The following KAZN variants were observed in gnomAD, a reference collection of about 807,000 sequenced individuals.
KAZN encodes the protein kazrin, periplakin interacting protein.
KAZN carries 40 observed loss-of-function variants against 87.4 expected under a neutral mutation model. The observed-to-expected ratio is 0.46, with a 90% CI of 0.36 to 0.60. KAZN has a LOEUF of 0.60. Ranked by LOEUF, KAZN falls within the 20% of genes least tolerant of loss-of-function variation. The pLI, the probability that KAZN is intolerant of heterozygous loss-of-function variation, is 0.00. For synonymous variants in KAZN, 466 were observed against 458.3 expected, an observed-to-expected ratio of 1.02 and a Z score of -0.22; for missense variants, 898 against 1,073.9, an observed-to-expected ratio of 0.84 and a Z score of 2.29.
chr1:13,987,028 A>C (rs903710989), intron 1 of KAZN, among the ~76,000 whole-genome samples: 1 of 152,068 alleles, frequency 6.6e-6, no homozygotes, highest in African/African-American at 2.4e-5. Context: ...GAAGAAAGAA[A>C]GTGTCTTCCA....
chr1:14,926,576 G>A (rs1326173981), intron 1 of KAZN, among the ~76,000 whole-genome samples: 1 of 152,146 alleles, frequency 6.6e-6, no homozygotes, highest in Admixed American at 6.5e-5. Flanking sequence ...CACCCTTTCT[G>A]GTCTCTGGTT....
In KAZN at chr1:15,011,662, G is replaced by A. The variant is rs76187196; in HGVS notation, c.419-23087G>A. On this transcript the variant is annotated intron_variant, in intron 2 of 14. Transcript: ENST00000376030. Reference sequence around the variant, plus strand: ...GTGCCAAGTCACCAAACTTAAAGCCGGTGATAAAGTTTGCCCGGATGAATG... The same window carrying A: ...GTGCCAAGTCACCAAACTTAAAGCCAGTGATAAAGTTTGCCCGGATGAATG... Among the ~76,000 whole-genome samples, 579 of 152,312 alleles carry A rather than the reference G, an allele frequency of 3.8e-3. 6 individuals carry two copies. Among genetic ancestry groups the A allele is most frequent in the Non-Finnish European group, 2.9e-3 (198 of 68,024 alleles).
At chr1:14,171,876 C>T (rs552356153) in intron 1 of KAZN, among the ~76,000 whole-genome samples, 21 of 152,214 alleles carry the variant, frequency 1.4e-4, no homozygotes, top group East Asian at 1.9e-4. Flanking sequence ...AAGCAAAGTA[C>T]GGTAAGCTGT....
intron 1 of KAZN, among the ~76,000 whole-genome samples, chr1:14,752,923 G>A (rs2100500383): frequency 6.6e-6 from 1 of 152,302 alleles, no homozygotes; most frequent in Non-Finnish European, 1.5e-5. Flanking sequence ...TGTGCATTTG[G>A]ACCACTCAGA....
chr1:14,243,805 C>A (rs557320758), intron 2 of KAZN, among the ~76,000 whole-genome samples: 11 of 152,290 alleles, frequency 7.2e-5, no homozygotes, highest in Admixed American at 6.5e-4. Context: ...TGTCTAATCT[C>A]ACTCTGCAGA....
At chr1:14,192,873 A>G (rs1646449689) in intron 2 of KAZN, among the ~76,000 whole-genome samples, 1 of 152,174 alleles carries the variant, frequency 6.6e-6, no homozygotes, top group Non-Finnish European at 1.5e-5. Context: ...CATTATTTGG[A>G]CATTGGGTCT....
intron 1 of KAZN, among the ~76,000 whole-genome samples, chr1:13,965,521 G>T (rs1641910764): frequency 6.6e-6 from 1 of 152,096 alleles, no homozygotes; most frequent in South Asian, 2.1e-4. Context: ...TGATATTTTG[G>T]ACCTGTTATT....
At chr1:14,360,259 G>A (rs1261846658) in intron 2 of KAZN, among the ~76,000 whole-genome samples, 16 of 151,878 alleles carry the variant, frequency 1.1e-4, no homozygotes, top group Admixed American at 7.2e-4. Context: ...TATGATTCTC[G>A]AAGTACTTGT....
intron 3 of KAZN, among the ~76,000 whole-genome samples, chr1:15,036,856 A>T (rs962919839): frequency 6.6e-6 from 1 of 152,166 alleles, no homozygotes; most frequent in South Asian, 2.1e-4. Context: ...TTCATTTAAC[A>T]TCCACACGGA....
At chr1:13,945,639 T>C (rs993551912) in intron 1 of KAZN, among the ~76,000 whole-genome samples, 2 of 151,144 alleles carry the variant, frequency 1.3e-5, no homozygotes, top group Non-Finnish European at 2.9e-5. Context: ...AACACAGCTG[T>C]TCCATAGGAT....
intron 1 of KAZN, among the ~76,000 whole-genome samples, chr1:13,907,479 A>T (rs768316320): frequency 1.7e-4 from 22 of 126,610 alleles, no homozygotes; most frequent in Non-Finnish European, 3.1e-4. Context: ...AAGGCCTTTG[A>T]GGGGTGTGTA....
intron 2 of KAZN, among the ~76,000 whole-genome samples, chr1:14,480,699 AT>A (rs1000574378): frequency 2.4e-4 from 35 of 145,438 alleles, no homozygotes; most frequent in Admixed American, 1.3e-3. Flanking sequence ...TAAAATATAT[AT>A]TTTTATGTAT....
At chr1:14,459,818 A>G (rs976370651) in intron 2 of KAZN, among the ~76,000 whole-genome samples, 1 of 152,224 alleles carries the variant, frequency 6.6e-6, no homozygotes, top group African/African-American at 2.4e-5. Context: ...TATTTTCACA[A>G]TAGAAAGGAA....
intron 2 of KAZN, among the ~76,000 whole-genome samples, chr1:14,353,475 T>G (rs996495338): frequency 7.2e-5 from 11 of 151,992 alleles, no homozygotes; most frequent in Non-Finnish European, 1.5e-4. Context: ...CTCCTCGGCC[T>G]CCCAAAGTGC....
rs1298343307 is a variant in KAZN, at chr1:14,856,726, T to C, written c.227-103958T>C. Among the ~76,000 whole-genome samples the C allele has an allele frequency of 6.6e-6, 1 of 152,232 alleles. No individual in the cohort carries two copies. The highest frequency in any genetic ancestry group is 1.5e-5 in the Non-Finnish European group (1 of 68,050). The stretch of plus-strand genomic sequence containing the variant: ...CATGTGTTTCCTAAATCTTGGATTA[T>C]TCTCAAGGACAATGGCCATTATGTC... On this transcript the variant is annotated intron_variant, in intron 1 of 14. Coordinates refer to ENST00000376030, the MANE Select transcript of KAZN (RefSeq NM_201628.3). This position sits in a 1 kb window ranked among gnomAD's most constrained non-coding sequence, Gnocchi z 5.2.
At chr1:14,825,648 G>A (rs2100847478) in intron 1 of KAZN, among the ~76,000 whole-genome samples, 1 of 152,206 alleles carries the variant, frequency 6.6e-6, no homozygotes, top group African/African-American at 2.4e-5. Flanking sequence ...ATCTAGTAAG[G>A]GACCACGTTG....
chr1:14,868,588 G>A (rs1207638873), intron 1 of KAZN, among the ~76,000 whole-genome samples: 1 of 151,748 alleles, frequency 6.6e-6, no homozygotes, highest in East Asian at 1.9e-4. Context: ...CTGGAGTCTT[G>A]TAGACCCAGA....
chr1:14,417,182 TAA>T (rs59936555), intron 2 of KAZN, among the ~76,000 whole-genome samples: 64 of 133,202 alleles, frequency 4.8e-4, no homozygotes, highest in Non-Finnish European at 4.6e-4. Context: ...TGTCTCAAAA[TAA>T]AAAAAAAAAA....
intron 8 of KAZN, among the ~76,000 whole-genome samples, chr1:15,074,353 G>A (rs1236815320): frequency 6.6e-6 from 1 of 152,192 alleles, no homozygotes; most frequent in African/African-American, 2.4e-5. Context: ...GAGGCAGTAT[G>A]TGAGAAAACC....
Sources: gnomAD v4.1 joint callset for allele counts (sites outside exome capture counted in the v4.1 genomes callset) on GRCh38, gnomAD v4.1.1 for gene constraint, Gnocchi (gnomAD v3.1) non-coding constraint, MANE v1.5 for transcripts, NCBI Gene and HGNC (gene_info 2026-07-23, HGNC 2026-07-21) for gene names.